MAP3K7: variants seen among roughly 807,000 people sequenced by gnomAD.
MAP3K7 encodes mitogen-activated protein kinase kinase kinase 7, also known as TGF-beta activated kinase 1.
Under a neutral mutation model 84.8 loss-of-function variants are expected in MAP3K7, and 21 were observed. The observed-to-expected ratio is 0.25, with a 90% confidence interval of 0.18 to 0.36. MAP3K7 has a LOEUF of 0.36. MAP3K7 is among the 10% of genes least tolerant of loss of function. The pLI is 1.00. For synonymous variants in MAP3K7, 241 were observed against 247.7 expected (o/e 0.97, Z 0.25); for missense variants, 503 against 747.7 (o/e 0.67, Z 3.82).
chr6:90,574,178 T>C (rs1284137461), intron 1 of MAP3K7, among the ~76,000 whole-genome samples: 1 of 152,224 alleles, frequency 6.6e-6, no homozygotes, highest in Non-Finnish European at 1.5e-5. Context: ...ATTCGTAAGT[T>C]AAAACCAGGT....
chr6:90,565,494 C>A (rs899443297), intron 3 of MAP3K7, among the ~76,000 whole-genome samples: 1 of 151,942 alleles, frequency 6.6e-6, no homozygotes, highest in Non-Finnish European at 1.5e-5. Context: ...ACACATACAC[C>A]CTCCCAAGAC....
intron 12 of MAP3K7, chr6:90,542,398 A>T: frequency 1.0e-6 from 1 of 982,176 alleles, no homozygotes; most frequent in Non-Finnish European, 1.2e-6. Flanking sequence ...AAAAGGTATT[A>T]CTGAATAATA....
intron 6 of MAP3K7, among the ~76,000 whole-genome samples, chr6:90,555,565 T>C (rs1045614877): frequency 6.6e-6 from 1 of 152,168 alleles, no homozygotes; most frequent in African/African-American, 2.4e-5. Context: ...ATTTGCATTC[T>C]TTTTAAGGCA....
At chr6:90,568,920 G>A (rs971499304) in intron 2 of MAP3K7, among the ~76,000 whole-genome samples, 3 of 152,152 alleles carry the variant, frequency 2.0e-5, no homozygotes, top group African/African-American at 7.2e-5. Context: ...GGCACGATGA[G>A]TATATAGAAT....
chr6:90,530,327 T>G (rs1053202277), intron 13 of MAP3K7, among the ~76,000 whole-genome samples: 2 of 152,192 alleles, frequency 1.3e-5, no homozygotes, highest in African/African-American at 4.8e-5. Context: ...GAGAATGGAT[T>G]TAGTATATTT....
intron 2 of MAP3K7, among the ~76,000 whole-genome samples, chr6:90,569,629 C>A (rs1214179085): frequency 1.3e-5 from 2 of 152,098 alleles, no homozygotes; most frequent in African/African-American, 2.4e-5. Flanking sequence ...AGGTGCACAG[C>A]CACCATGCCT....
At chr6:90,565,495 C>T (rs888613301) in intron 3 of MAP3K7, among the ~76,000 whole-genome samples, 1 of 152,138 alleles carries the variant, frequency 6.6e-6, no homozygotes, top group African/African-American at 2.4e-5. Flanking sequence ...CACATACACC[C>T]TCCCAAGACT....
intron 13 of MAP3K7, among the ~76,000 whole-genome samples, chr6:90,532,723 C>G (rs79135155): frequency 6.6e-6 from 1 of 152,100 alleles, no homozygotes; most frequent in Non-Finnish European, 1.5e-5. Flanking sequence ...ATGGCTCACC[C>G]AGGTGTATAA....
chr6:90,535,880 T>C (rs1316480168), intron 13 of MAP3K7, among the ~76,000 whole-genome samples: 1 of 152,164 alleles, frequency 6.6e-6, no homozygotes, highest in Non-Finnish European at 1.5e-5. Flanking sequence ...ATCCAGTGGA[T>C]ATGCCAAGTT....
At chr6:90,535,999 A>G (rs1327825767) in intron 13 of MAP3K7, among the ~76,000 whole-genome samples, 2 of 152,322 alleles carry the variant, frequency 1.3e-5, no homozygotes, top group African/African-American at 4.8e-5. Context: ...CATATTAATG[A>G]TTCACTTTAA....
intron 13 of MAP3K7, among the ~76,000 whole-genome samples, chr6:90,531,284 G>T (rs1361599903): frequency 1.3e-5 from 2 of 152,064 alleles, no homozygotes; most frequent in African/African-American, 4.8e-5. Context: ...CATAAGTCAG[G>T]AATTTACACC....
At chr6:90,570,351 G>C (rs187724876) in intron 2 of MAP3K7, among the ~76,000 whole-genome samples, 61 of 152,306 alleles carry the variant, frequency 4.0e-4, no homozygotes, top group African/African-American at 1.5e-3. Flanking sequence ...GCTTCCAAAA[G>C]GTTGGGGAGT....
chr6:90,518,920 A>G (rs1562075122), intron 15 of MAP3K7, among the ~76,000 whole-genome samples: 1 of 151,818 alleles, frequency 6.6e-6, no homozygotes, highest in Non-Finnish European at 1.5e-5. Flanking sequence ...CACTATGAAC[A>G]TGAGAATGTA....
chr6:90,543,776 T>A (rs865973253), intron 12 of MAP3K7, among the ~76,000 whole-genome samples: 47 of 152,208 alleles, frequency 3.1e-4, no homozygotes, highest in Middle Eastern at 3.4e-3. Flanking sequence ...TAAATGATAA[T>A]TTTGATAATA....
At chr6:90,564,847 G>T (rs1266164737) in intron 3 of MAP3K7, among the ~76,000 whole-genome samples, 2 of 152,094 alleles carry the variant, frequency 1.3e-5, no homozygotes, top group African/African-American at 2.4e-5. Flanking sequence ...AAATGTAAAA[G>T]AACAGAAATT....
At chr6:90,545,987 A>G (rs1775988954) in intron 11 of MAP3K7, among the ~76,000 whole-genome samples, 1 of 152,128 alleles carries the variant, frequency 6.6e-6, no homozygotes, top group East Asian at 1.9e-4. Context: ...TTCAACAGCC[A>G]TTTTGGAGCA....
chr6:90,519,216 A>G (rs937023322), intron 15 of MAP3K7, 42 bp downstream of exon 15: 1 of 1,264,510 alleles, frequency 7.9e-7, no homozygotes, highest in Admixed American at 1.9e-5. Flanking sequence ...AAACTCTCTA[A>G]GAAGAAAAAA....
At chr6:90,568,307 TCTCA>T (rs1258605634) in intron 3 of MAP3K7, among the ~76,000 whole-genome samples, 4 of 151,012 alleles carry the variant, frequency 2.6e-5, no homozygotes, top group African/African-American at 4.9e-5. Flanking sequence ...GGTGCTGTAT[TCTCA>T]CTATTTAGAG....
chr6:90,563,684 C>A (rs1776599954), intron 3 of MAP3K7, among the ~76,000 whole-genome samples: 1 of 152,156 alleles, frequency 6.6e-6, no homozygotes, highest in South Asian at 2.1e-4. Flanking sequence ...CCTAGCAACG[C>A]AGGCCAACAT....
Sources: gnomAD v4.1 joint callset for allele counts (sites outside exome capture counted in the v4.1 genomes callset) on GRCh38, gnomAD v4.1.1 for gene constraint, MANE v1.5 for transcripts, NCBI Gene and HGNC (gene_info 2026-07-23, HGNC 2026-07-21) for gene names.